Variants in FOXRED1 observed in about 807,000 individuals in gnomAD.
FOXRED1 encodes FAD dependent oxidoreductase domain containing 1.
A neutral mutation model predicts 57.8 loss-of-function variants in FOXRED1; 52 were observed. The ratio of observed to expected loss-of-function variants is 0.90; its 90% confidence interval spans 0.72 to 1.13. The LOEUF is 1.13. Among genes scored for constraint, FOXRED1 ranks in the 50% most tolerant of loss-of-function variants. The pLI, the probability that FOXRED1 is intolerant of heterozygous loss-of-function variation, is 0.00. For missense variants in FOXRED1, 589 were observed against 625.2 expected (o/e 0.94, Z 0.62); for synonymous variants, 271 against 248.3 (o/e 1.09, Z -0.86).
chr11:126,270,927 AAG>A (rs1261930808), intron 1 of FOXRED1: 11 of 199,452 alleles, frequency 5.5e-5, no homozygotes, highest in South Asian at 1.8e-4. Context: ...CAGAGGAAGA[AAG>A]GGGACAGATT....
intron 1 of FOXRED1, among the ~76,000 whole-genome samples, chr11:126,270,520 A>G (rs1386238417): frequency 6.6e-6 from 1 of 152,212 alleles, no homozygotes; most frequent in East Asian, 1.9e-4. Flanking sequence ...GGCTTTCCCA[A>G]GCAAGGAATT....
rs2135264063 is a variant in FOXRED1, at chr11:126,275,220, C to T, written c.632-107C>T. ...TCTGTGGTTCAGTTGGTTAAGATGA[C>T]CTTCCCCGGCTTACAAGCCCTAGAG... On this transcript the variant is annotated intron_variant, in intron 5 of 10. Transcript: ENST00000263578. The surrounding 1 kb of genome is among the most constrained non-coding windows in gnomAD (Gnocchi z 5.9). 2 of 933,106 alleles carry T rather than the reference C, an allele frequency of 2.1e-6. No individual in the cohort carries two copies. Among genetic ancestry groups the T allele is most frequent in the East Asian group, 2.5e-5 (1 of 40,588 alleles). The allele number at this position is 933,106 out of a possible 1,614,324, so 57.8% of individuals were successfully genotyped here.
At position 126,269,968 on chromosome 11, in the gene FOXRED1, C is replaced by T. The variant is rs372396396; in HGVS notation, c.85+677C>T. On this transcript the variant is annotated intron_variant, in intron 1 of 10. Transcript: ENST00000263578. ...TGCCATTGCACTCCAGCCTGGGCGA[C>T]TTAGCGAAACTCCGTCTCAAAAAAA... Among the ~76,000 whole-genome samples the T allele has an allele frequency of 5.4e-5, 7 of 129,534 alleles. No homozygotes were observed. The East Asian group carries it at 1.2e-3, about 21-fold the overall frequency. 85.0% of individuals were successfully genotyped at this position (129,534 alleles called of 152,430 possible). A position where few individuals can be genotyped will look rare whatever the true frequency, so the allele number is the denominator to read the frequency against.
Position 126,275,034 on chromosome 11 carries a change from T to G in FOXRED1, c.631+13T>G. 1.3e-6 allele frequency: 2 copies of G among 1,568,566 alleles called. No individual in the cohort carries two copies. Among genetic ancestry groups the G allele is most frequent in the Non-Finnish European group, 1.8e-6 (2 of 1,138,264 alleles). On this transcript the variant is annotated intron_variant, in intron 5 of 10. Coordinates refer to ENST00000263578, the MANE Select transcript of FOXRED1 (RefSeq NM_017547.4). This position sits in a 1 kb window ranked among gnomAD's most constrained non-coding sequence, Gnocchi z 5.9. ...TTGGCGTCTTATGGTGAGGCTTGCT[T>G]GCAGAGGGGACAGCTTTTTTCCTGA...
chr11:126,275,857 T>C lies in FOXRED1; in HGVS notation c.797T>C (p.Ile266Thr). 6.2e-7 allele frequency: 1 copy of C among 1,609,666 alleles called. No individual in the cohort carries two copies. The highest frequency in any genetic ancestry group is 2.2e-5 in the East Asian group (1 of 44,860). Residue 266 changes from isoleucine (I) to threonine (T), a missense_variant, in exon 7 of 11, where the codon ATC becomes ACC. Coordinates refer to ENST00000263578, the MANE Select transcript of FOXRED1 (RefSeq NM_017547.4). This position sits in a 1 kb window ranked among gnomAD's most constrained non-coding sequence, Gnocchi z 5.9. ...GACAAAGCGGTGGTCTTGAAAAGGA[T>C]CCATGAAGTCCATGTAAGTTTCTAG... ...TDDKAVVLKR[I>T]HEVHVKMDRS...
At chr11:126,269,940 T>C (rs1232260631) in intron 1 of FOXRED1, among the ~76,000 whole-genome samples, 1 of 137,430 alleles carries the variant, frequency 7.3e-6, no homozygotes, top group African/African-American at 2.8e-5. Flanking sequence ...TGAGCCGAGA[T>C]CATGCCATTG....
intron 1 of FOXRED1, among the ~76,000 whole-genome samples, chr11:126,269,986 C>CAAAA (rs58199526): frequency 9.7e-5 from 7 of 72,320 alleles, no homozygotes; most frequent in East Asian, 3.9e-4. Context: ...AACTCCGTCT[C>CAAAA]AAAAAAAAAA....
At position 126,274,651 on chromosome 11, in the gene FOXRED1, A is replaced by C. The variant is rs1490533785; in HGVS notation, c.537-276A>C. ...TGACAGAGCCAGACTCATTGAAAAA[A>C]AAAAAAAGAAGTCATGGAATAGACT... On this transcript the variant is annotated intron_variant, in intron 4 of 10. Transcript: ENST00000263578. The surrounding 1 kb of genome is among the most constrained non-coding windows in gnomAD (Gnocchi z 4.8). 4.7e-6 allele frequency: 2 copies of C among 427,904 alleles called. No homozygotes were observed. Among genetic ancestry groups the C allele is most frequent in the African/African-American group, 4.1e-5 (2 of 49,238 alleles). 26.5% of individuals were successfully genotyped at this position (427,904 alleles called of 1,614,324 possible). A position where few individuals can be genotyped will look rare whatever the true frequency, so the allele number is the denominator to read the frequency against.
chr11:126,273,575 AGT>A lies in FOXRED1; in HGVS notation c.536+126_536+127del, dbSNP rs1951051402. On this transcript the variant is annotated intron_variant, in intron 4 of 10. Transcript: ENST00000263578. This position sits in a 1 kb window ranked among gnomAD's most constrained non-coding sequence, Gnocchi z 5.9. ...ACAGATCCCTGCGGTCTAGGACCTC[AGT>A]GTGTCAGGAAGAAAATACACAGACC... 3 of 751,528 alleles carry A rather than the reference AGT, an allele frequency of 4.0e-6. No individual in the cohort carries two copies. The highest frequency in any genetic ancestry group is 7.3e-6 in the Non-Finnish European group (3 of 413,762). 46.6% of individuals were successfully genotyped at this position (751,528 alleles called of 1,614,324 possible).
Position 126,271,305 on chromosome 11 carries a change from T to C in FOXRED1, c.86-132T>C. The C allele has an allele frequency of 1.4e-6, 1 of 729,238 alleles. No individual in the cohort carries two copies. The highest frequency in any genetic ancestry group is 1.5e-5 in the South Asian group (1 of 68,450). 45.2% of individuals were successfully genotyped at this position (729,238 alleles called of 1,614,324 possible). ...CACTGTTGGGTGCAAGGTGACCTTA[T>C]GAGATGGGCTGACAGTGGGGACTGC... On this transcript the variant is annotated intron_variant, in intron 1 of 10. Coordinates refer to ENST00000263578, the MANE Select transcript of FOXRED1 (RefSeq NM_017547.4). The surrounding 1 kb of genome is among the most constrained non-coding windows in gnomAD (Gnocchi z 5.3).
Position 126,269,184 on chromosome 11 carries a change from GA to G in FOXRED1, c.-22del. On this transcript the variant is annotated 5_prime_UTR_variant, in exon 1 of 11. Coordinates refer to ENST00000263578, the MANE Select transcript of FOXRED1 (RefSeq NM_017547.4). ...TAGCGAGGCAGCAGTGCAGCTTTCA[GA>G]GGGTCCGGGCTCAGAGGGGTTATGA... 1 of 1,582,382 alleles carries G rather than the reference GA, an allele frequency of 6.3e-7. No individual in the cohort carries two copies. The highest frequency in any genetic ancestry group is 8.7e-7 in the Non-Finnish European group (1 of 1,152,000).
At position 126,271,309 on chromosome 11, in the gene FOXRED1, A is replaced by G. The variant is rs1490701970; in HGVS notation, c.86-128A>G. The stretch of plus-strand genomic sequence containing the variant: ...GTTGGGTGCAAGGTGACCTTATGAG[A>G]TGGGCTGACAGTGGGGACTGCCAAC... On this transcript the variant is annotated intron_variant, in intron 1 of 10. Coordinates refer to ENST00000263578, the MANE Select transcript of FOXRED1 (RefSeq NM_017547.4). This position sits in a 1 kb window ranked among gnomAD's most constrained non-coding sequence, Gnocchi z 5.3. 5 of 738,012 alleles carry G rather than the reference A, an allele frequency of 6.8e-6. No individual in the cohort carries two copies. In the African/African-American group the frequency reaches 6.9e-5, roughly 10 times the overall value. The allele number at this position is 738,012 out of a possible 1,614,324, so 45.7% of individuals were successfully genotyped here. A position where few individuals can be genotyped will look rare whatever the true frequency, so the allele number is the denominator to read the frequency against.
chr11:126,269,445 C>A, intron 1 of FOXRED1, 154 bp downstream of exon 1: 3 of 1,445,754 alleles, frequency 2.1e-6, no homozygotes, highest in Non-Finnish European at 2.8e-6. Context: ...CTTGTAGGGG[C>A]TGTGCAGGTG....
rs201727988 is a variant in FOXRED1 at position 126,277,159 on chromosome 11, C to G, written c.1190C>G (p.Ala397Gly). 29 of 1,604,458 alleles carry G rather than the reference C, an allele frequency of 1.8e-5. No individual in the cohort carries two copies. Among genetic ancestry groups the G allele is most frequent in the Non-Finnish European group, 4.3e-6 (5 of 1,171,492 alleles). Residue 397 changes from alanine (A) to glycine (G), a missense_variant, in exon 10 of 11, where the codon GCT becomes GGT. Physicochemically the swap from Ala to Gly is moderately conservative, Grantham distance 60 (BLOSUM62 0). Transcript: ENST00000263578. This position sits in a 1 kb window ranked among gnomAD's most constrained non-coding sequence, Gnocchi z 6.8. Reference sequence around the variant, plus strand: ...CCCCATTTGGCCCTGAGGGTCCCAGCTTTTGAGACTCTGAAGGTAACTGGC... The same window carrying G: ...CCCCATTTGGCCCTGAGGGTCCCAGGTTTTGAGACTCTGAAGGTAACTGGC... ...VWPHLALRVPAFETLKVQSAW... is the reference protein window; with the variant it reads ...VWPHLALRVPGFETLKVQSAW...
chr11:126,271,226 G>A lies in FOXRED1; in HGVS notation c.86-211G>A, dbSNP rs992486367. 2.9e-4 allele frequency: 146 copies of A among 503,102 alleles called. No individual in the cohort carries two copies. The highest frequency in any genetic ancestry group is 5.1e-4 in the Admixed American group (15 of 29,556). The allele number at this position is 503,102 out of a possible 1,614,324, so 31.2% of individuals were successfully genotyped here. A position where few individuals can be genotyped will look rare whatever the true frequency, so the allele number is the denominator to read the frequency against. ...AGGAAATTGAATCTTGCAGTGCTTGGCACAATGCATGAAGAGACTGATGGC... is the reference window on the plus strand; with the variant it reads ...AGGAAATTGAATCTTGCAGTGCTTGACACAATGCATGAAGAGACTGATGGC... On this transcript the variant is annotated intron_variant, in intron 1 of 10. Coordinates refer to ENST00000263578, the MANE Select transcript of FOXRED1 (RefSeq NM_017547.4). This position sits in a 1 kb window ranked among gnomAD's most constrained non-coding sequence, Gnocchi z 5.3.
chr11:126,277,002 TG>T lies in FOXRED1; in HGVS notation c.1102-68del. The T allele has an allele frequency of 1.0e-6, 1 of 971,754 alleles. No individual in the cohort carries two copies. The highest frequency in any genetic ancestry group is 1.3e-5 in the South Asian group (1 of 78,162). The allele number at this position is 971,754 out of a possible 1,614,324, so 60.2% of individuals were successfully genotyped here. ...CCCCATCCCCTACCTGCACAGGGAT[TG>T]TTAAACAAGTCTGGGCCTGTCCTTG... is the stretch of plus-strand genomic sequence containing the variant. On this transcript the variant is annotated intron_variant, in intron 9 of 10. Transcript: ENST00000263578. This position sits in a 1 kb window ranked among gnomAD's most constrained non-coding sequence, Gnocchi z 6.8.
In FOXRED1 at chr11:126,275,043, G is replaced by T. The variant is rs1206484232; in HGVS notation, c.631+22G>T. 1.3e-6 allele frequency: 2 copies of T among 1,525,556 alleles called. No homozygotes were observed. The highest frequency in any genetic ancestry group is 1.1e-5 in the South Asian group (1 of 89,350). 94.5% of individuals were successfully genotyped at this position (1,525,556 alleles called of 1,614,324 possible). On this transcript the variant is annotated intron_variant, in intron 5 of 10. Coordinates refer to ENST00000263578, the MANE Select transcript of FOXRED1 (RefSeq NM_017547.4). This position sits in a 1 kb window ranked among gnomAD's most constrained non-coding sequence, Gnocchi z 5.9. ...TATGGTGAGGCTTGCTTGCAGAGGGGACAGCTTTTTTCCTGAAGATGGAGA... is the reference window on the plus strand; with the variant it reads ...TATGGTGAGGCTTGCTTGCAGAGGGTACAGCTTTTTTCCTGAAGATGGAGA...
chr11:126,273,019 C>T lies in FOXRED1; in HGVS notation c.357C>T (p.Phe119=). 6.2e-7 allele frequency: 1 copy of T among 1,609,786 alleles called. No individual in the cohort carries two copies. Among genetic ancestry groups the T allele is most frequent in the Non-Finnish European group, 8.5e-7 (1 of 1,176,002 alleles). ...GLSVGGICQQ[F]SLPENIQLSL... is the part of the protein sequence containing the mutation. ...CAGTAGGTGGGATTTGTCAGCAGTT[C>T]TCATTGCCTGAGAACATCCAGCTCT... is the stretch of plus-strand genomic sequence containing the variant. The change falls in exon 3 of 11, where the codon TTC becomes TTT. Residue 119 remains phenylalanine (F), a synonymous_variant. Transcript: ENST00000263578. The surrounding 1 kb of genome is among the most constrained non-coding windows in gnomAD (Gnocchi z 5.9).
At position 126,271,120 on chromosome 11, in the gene FOXRED1, A is replaced by G. The variant is rs1185249618; in HGVS notation, c.86-317A>G. On this transcript the variant is annotated intron_variant, in intron 1 of 10. Coordinates refer to ENST00000263578, the MANE Select transcript of FOXRED1 (RefSeq NM_017547.4). The surrounding 1 kb of genome is among the most constrained non-coding windows in gnomAD (Gnocchi z 5.3). ...CTTGGTCCAAGGCCTGGAAGACCCA[A>G]GTGGGGATGACAGTGCAGTTGAATA... is the stretch of plus-strand genomic sequence containing the variant. The G allele has an allele frequency of 5.5e-6, 2 of 366,772 alleles. No individual in the cohort carries two copies. Among genetic ancestry groups the G allele is most frequent in the Non-Finnish European group, 5.3e-6 (1 of 189,112 alleles). The allele number at this position is 366,772 out of a possible 1,614,324, so 22.7% of individuals were successfully genotyped here.
Sources: allele counts gnomAD v4.1 joint callset (sites outside exome capture counted in the v4.1 genomes callset), GRCh38; gene constraint gnomAD v4.1.1; non-coding constraint Gnocchi (gnomAD v3.1); transcripts MANE v1.5; gene names NCBI Gene and HGNC (gene_info 2026-07-23, HGNC 2026-07-21).